CEP120: variants seen among roughly 807,000 people sequenced by gnomAD.
CEP120 encodes the protein centrosomal protein of 120 kDa.
In CEP120, 113 loss-of-function variants were observed where a neutral mutation model predicts 126.5. That is an observed-to-expected ratio of 0.89 (90% CI 0.77 to 1.04). The LOEUF is 1.04. Among genes scored for constraint, CEP120 ranks in the 50% least tolerant of loss-of-function variants. The pLI is 0.00. For synonymous variants in CEP120, 400 were observed against 394.3 expected (o/e 1.01, Z -0.17); for missense variants, 1,230 against 1,155.7 (o/e 1.06, Z -0.93).
At chr5:123,368,286 A>G (rs1326207709) in intron 17 of CEP120, among the ~76,000 whole-genome samples, 1 of 151,978 alleles carries the variant, frequency 6.6e-6, no homozygotes, top group Non-Finnish European at 1.5e-5. Flanking sequence ...AAATTTCCCC[A>G]GGGTAAAATG....
At chr5:123,354,519 T>G (rs528661627) in intron 18 of CEP120, among the ~76,000 whole-genome samples, 6 of 152,212 alleles carry the variant, frequency 3.9e-5, no homozygotes, top group African/African-American at 1.4e-4. Context: ...TAGATTTACC[T>G]ATTTCTCTTT....
intron 4 of CEP120, among the ~76,000 whole-genome samples, chr5:123,400,730 T>C (rs896412036): frequency 5.1e-5 from 7 of 137,776 alleles, no homozygotes; most frequent in South Asian, 4.7e-4. Flanking sequence ...AGCAACTGAA[T>C]TGTTTTGTAG....
chr5:123,391,173 A>G lies in CEP120; in HGVS notation c.975T>C (p.Pro325=). Residue 325 remains proline (P), a synonymous_variant, in exon 7 of 20, where the codon CCT becomes CCC. Coordinates refer to ENST00000306467, the MANE Select transcript of CEP120 (RefSeq NM_001375405.1). The part of the protein sequence containing the change: ...NRAKQKLAPI[P]VELAPTVGVS... ...CTCCCACAGTTGGGGCTAGCTCCAC[A>G]GGAATAGGTGCAAGCTTCTGTTTGG... 6.2e-7 allele frequency: 1 copy of G among 1,614,178 alleles called. No individual in the cohort carries two copies. Among genetic ancestry groups the G allele is most frequent in the African/African-American group, 1.3e-5 (1 of 75,052 alleles).
intron 14 of CEP120, among the ~76,000 whole-genome samples, chr5:123,379,986 T>C (rs1307598179): frequency 6.6e-6 from 1 of 152,110 alleles, no homozygotes; most frequent in African/African-American, 2.4e-5. Context: ...GGCAGTCATA[T>C]GTAAGACAGA....
intron 15 of CEP120, 38 bp from the exon 16 acceptor site, chr5:123,377,573 C>A: frequency 6.6e-7 from 1 of 1,505,668 alleles, no homozygotes; most frequent in Non-Finnish European, 9.0e-7. Flanking sequence ...TGGTTTATTG[C>A]TAGCTGCATT....
rs1287517383 is a variant in CEP120 at position 123,400,886 on chromosome 5, G to A, written c.464-1602C>T. On this transcript the variant is annotated intron_variant, in intron 4 of 19. Transcript: ENST00000306467. ...CCTCCCAGGCTCTGGGGCAGCGCAGGAGGGGTAGGCTGGGAGGGGCTGCCA... is the reference window on the plus strand; with the variant it reads ...CCTCCCAGGCTCTGGGGCAGCGCAGAAGGGGTAGGCTGGGAGGGGCTGCCA... The A allele has an allele frequency of 2.2e-5, 28 of 1,265,974 alleles. No individual in the cohort carries two copies. In the Middle Eastern group the frequency reaches 9.9e-4, roughly 45 times the overall value. The allele number at this position is 1,265,974 out of a possible 1,614,324, so 78.4% of individuals were successfully genotyped here. A position where few individuals can be genotyped will look rare whatever the true frequency, so the allele number is the denominator to read the frequency against.
intron 18 of CEP120, among the ~76,000 whole-genome samples, chr5:123,359,072 G>C (rs4836003): frequency 0.72 from 108,728 of 151,952 alleles, 39,042 homozygotes; most frequent in African/African-American, 0.75. Flanking sequence ...TACATCCCAT[G>C]CTTGGCTAAA....
chr5:123,393,447 A>G lies in CEP120; in HGVS notation c.663T>C (p.Phe221=), dbSNP rs1772537905. The G allele has an allele frequency of 1.9e-6, 3 of 1,614,042 alleles. No homozygotes were observed. Among genetic ancestry groups the G allele is most frequent in the Non-Finnish European group, 2.5e-6 (3 of 1,180,010 alleles). The change falls in exon 6 of 20, where the codon TTT becomes TTC. Residue 221 remains phenylalanine (F), a synonymous_variant. Coordinates refer to ENST00000306467, the MANE Select transcript of CEP120 (RefSeq NM_001375405.1). ...KLPERQPEFF[F]YYSLLGNDVT... ...CATCATTTCCCAGTAAAGAGTAGTA[A>G]AAGAAAAACTCAGGCTGTCTTTCTG...
intron 17 of CEP120, among the ~76,000 whole-genome samples, chr5:123,366,923 C>A (rs1285019863): frequency 6.6e-6 from 1 of 151,850 alleles, no homozygotes; most frequent in African/African-American, 2.4e-5. Context: ...GCCTTCCCTA[C>A]TCCTTGCCCA....
chr5:123,384,462 G>T (rs1290172251), intron 11 of CEP120, among the ~76,000 whole-genome samples: 1 of 151,704 alleles, frequency 6.6e-6, no homozygotes, highest in Non-Finnish European at 1.5e-5. Flanking sequence ...TGAAGTTCAG[G>T]GCAAAAAACC....
chr5:123,412,203 G>T (rs1228091000), intron 4 of CEP120, among the ~76,000 whole-genome samples, 196 bp downstream of exon 4: 1 of 152,128 alleles, frequency 6.6e-6, no homozygotes, highest in Admixed American at 6.5e-5. Context: ...ACCAAATAAA[G>T]AATAAATTTT....
intron 1 of CEP120, among the ~76,000 whole-genome samples, chr5:123,419,242 T>C (rs1344819758): frequency 6.6e-6 from 1 of 152,252 alleles, no homozygotes; most frequent in Non-Finnish European, 1.5e-5. Context: ...ACACGAATTT[T>C]AGGTACTACT....
chr5:123,372,957 G>A (rs1770953400), intron 16 of CEP120, among the ~76,000 whole-genome samples, 185 bp from the exon 17 acceptor site: 1 of 151,992 alleles, frequency 6.6e-6, no homozygotes, highest in African/African-American at 2.4e-5. Context: ...TAAATCAACT[G>A]ATTCTACAAA....
chr5:123,385,227 G>A, intron 10 of CEP120, 94 bp from the exon 11 acceptor site: 1 of 998,084 alleles, frequency 1.0e-6, no homozygotes, highest in Non-Finnish European at 1.4e-6. Context: ...TGGAGTCAAA[G>A]ATGTTTTTTG....
rs1489388566 is a variant in CEP120 at position 123,386,675 on chromosome 5, TTAAAAAA to T, written c.1431-15_1431-9del. Reference sequence around the variant, plus strand: ...AAGAATGGATATGAGTACCTAGAATTTAAAAAAAAAAAAAAAAAAAAAAGCCTTAATG... The same window carrying T: ...AAGAATGGATATGAGTACCTAGAATTAAAAAAAAAAAAAAAAGCCTTAATG... On this transcript the variant is annotated splice_polypyrimidine_tract_variant and intron_variant, in intron 9 of 19. Transcript: ENST00000306467. 507 of 688,640 alleles carry T rather than the reference TTAAAAAA, an allele frequency of 7.4e-4. No individual in the cohort carries two copies. The highest frequency in any genetic ancestry group is 1.6e-3 in the South Asian group (30 of 18,254). The allele number at this position is 688,640 out of a possible 1,614,324, so 42.7% of individuals were successfully genotyped here.
At chr5:123,400,923 T>C in intron 4 of CEP120, 2 of 1,541,506 alleles carry the variant, frequency 1.3e-6, no homozygotes, top group South Asian at 1.1e-5. Context: ...AGCTGTTCAC[T>C]TGGGCAGGAC....
chr5:123,372,583 C>T lies in CEP120; in HGVS notation c.2481+67G>A, dbSNP rs114499692. 414 of 1,426,854 alleles carry T rather than the reference C, an allele frequency of 2.9e-4. 2 individuals are homozygous for T. The African/African-American group carries it at 5.2e-3, about 18-fold the overall frequency. 88.4% of individuals were successfully genotyped at this position (1,426,854 alleles called of 1,614,324 possible). On this transcript the variant is annotated intron_variant, in intron 17 of 19. Transcript: ENST00000306467. ...GCAAAACATTATTATATTGTATACA[C>T]ATTATTGATTGATTTTATAAATTAA...
intron 5 of CEP120, 151 bp from the exon 6 acceptor site, chr5:123,393,648 T>G: frequency 1.6e-6 from 1 of 634,804 alleles, no homozygotes; most frequent in East Asian, 2.8e-5. Flanking sequence ...TCTGCCAAAT[T>G]ACTACCAAAT....
chr5:123,401,450 T>A, intron 4 of CEP120: 2 of 1,301,426 alleles, frequency 1.5e-6, no homozygotes, highest in Admixed American at 1.7e-5. Flanking sequence ...CCGCAGGTTA[T>A]CCCCATGCTT....
Sources: gnomAD v4.1 joint callset for allele counts (sites outside exome capture counted in the v4.1 genomes callset) on GRCh38, gnomAD v4.1.1 for gene constraint, MANE v1.5 for transcripts, NCBI Gene and HGNC (gene_info 2026-07-23, HGNC 2026-07-21) for gene names.